Variants in PCDHGA3 observed in about 807,000 individuals in gnomAD.
The protein encoded by PCDHGA3 is protocadherin gamma-A3.
Under a neutral mutation model 58.5 loss-of-function variants are expected in PCDHGA3, and 40 were observed. The ratio of observed to expected loss-of-function variants is 0.68; its 90% CI spans 0.53 to 0.89. The LOEUF (loss-of-function observed/expected upper bound fraction) is 0.89, where lower values mean the gene tolerates loss of function less well. Ranked by LOEUF, PCDHGA3 falls within the 40% of genes least tolerant of loss-of-function variation. The pLI is 0.00. For missense variants in PCDHGA3, 1,223 were observed against 1,195.9 expected (o/e 1.02, Z -0.33); for synonymous variants, 530 against 525.7 (o/e 1.01, Z -0.11).
intron 1 of PCDHGA3, chr5:141,410,392 T>C: frequency 6.2e-7 from 1 of 1,614,050 alleles, no homozygotes; most frequent in African/African-American, 1.3e-5. Flanking sequence ...TCCATCCTGG[T>C]CTCTGTGTCA....
intron 1 of PCDHGA3, among the ~76,000 whole-genome samples, chr5:141,479,138 T>G (rs1469363480): frequency 6.6e-6 from 1 of 152,232 alleles, no homozygotes; most frequent in Non-Finnish European, 1.5e-5. Flanking sequence ...GCACCCTGCT[T>G]ACAAAATATT....
At chr5:141,502,139 C>G (rs923501238) in intron 2 of PCDHGA3, among the ~76,000 whole-genome samples, 1 of 152,104 alleles carries the variant, frequency 6.6e-6, no homozygotes, top group Non-Finnish European at 1.5e-5. Flanking sequence ...TCAGTCGGGC[C>G]GGAAGTAAGG....
Position 141,477,176 on chromosome 5 carries a change from G to A in PCDHGA3, c.2425-17631G>A. ...GAATGACAACGCCCCGGAGATCACA[G>A]TCACCTCCGTGTACAGCCCAGTACC... On this transcript the variant is annotated intron_variant, in intron 1 of 3. Transcript: ENST00000253812. The surrounding 1 kb of genome is among the most constrained non-coding windows in gnomAD (Gnocchi z 4.9). 2 of 1,614,206 alleles carry A rather than the reference G, an allele frequency of 1.2e-6. No individual in the cohort carries two copies. Among genetic ancestry groups the A allele is most frequent in the Admixed American group, 1.7e-5 (1 of 60,024 alleles).
intron 1 of PCDHGA3, among the ~76,000 whole-genome samples, chr5:141,464,301 T>A (rs1237581605): frequency 6.6e-6 from 1 of 150,782 alleles, no homozygotes; most frequent in Non-Finnish European, 1.5e-5. Flanking sequence ...CTCCATTGTA[T>A]GTGCACATAT....
chr5:141,419,115 A>G (rs1159582360), intron 1 of PCDHGA3: 1 of 1,613,872 alleles, frequency 6.2e-7, no homozygotes, highest in Non-Finnish European at 8.5e-7. Flanking sequence ...CCAGAGTACA[A>G]CGTCACCATC....
At chr5:141,388,471 T>C (rs758013989) in intron 1 of PCDHGA3, 1 of 1,613,844 alleles carries the variant, frequency 6.2e-7, no homozygotes, top group South Asian at 1.1e-5. Context: ...GAGATGGTAT[T>C]GAAGACACCT....
At chr5:141,395,207 T>C (rs1589256269) in intron 1 of PCDHGA3, 6 of 1,613,702 alleles carry the variant, frequency 3.7e-6, no homozygotes, top group Non-Finnish European at 5.1e-6. Context: ...TAGATTTTCA[T>C]GAATATAAGA....
intron 1 of PCDHGA3, among the ~76,000 whole-genome samples, chr5:141,363,685 C>T (rs1188372642): frequency 2.6e-5 from 4 of 152,198 alleles, no homozygotes; most frequent in Admixed American, 2.6e-4. Context: ...GCTAATATAA[C>T]TTACATAAAT....
intron 1 of PCDHGA3, chr5:141,357,069 A>C (rs777295000): frequency 6.2e-7 from 1 of 1,613,964 alleles, no homozygotes; most frequent in Non-Finnish European, 8.5e-7. Context: ...GGCTGCACAC[A>C]GGCGAGGTGC....
At chr5:141,401,485 G>A (rs2094160307) in intron 1 of PCDHGA3, among the ~76,000 whole-genome samples, 2 of 152,152 alleles carry the variant, frequency 1.3e-5, no homozygotes, top group Admixed American at 6.5e-5. Context: ...AGGTTTTCTT[G>A]GATGCAAAAT....
chr5:141,359,297 G>A (rs1299334892), intron 1 of PCDHGA3, among the ~76,000 whole-genome samples: 3 of 152,098 alleles, frequency 2.0e-5, no homozygotes, highest in Admixed American at 6.5e-5. Context: ...ACTGTGTCAA[G>A]CATATTCAGG....
At chr5:141,500,182 A>ATTT (rs1199992745) in intron 2 of PCDHGA3, among the ~76,000 whole-genome samples, 1 of 131,622 alleles carries the variant, frequency 7.6e-6, no homozygotes, top group African/African-American at 3.1e-5. Context: ...CTTCATTTTT[A>ATTT]TTTTTATTTA....
intron 1 of PCDHGA3, chr5:141,360,021 C>T: frequency 7.7e-7 from 1 of 1,297,264 alleles, no homozygotes; most frequent in Non-Finnish European, 1.0e-6. Context: ...ACAGAGAAGG[C>T]CAGTATAGAT....
intron 1 of PCDHGA3, chr5:141,361,728 A>G (rs1318637710): frequency 5.0e-6 from 8 of 1,613,246 alleles, no homozygotes; most frequent in Non-Finnish European, 5.9e-6. Context: ...TCGAGCTCAC[A>G]CTGCAGGCCC....
Position 141,477,354 on chromosome 5 carries a change from C to T in PCDHGA3, c.2425-17453C>T, listed in dbSNP as rs1164062950. On this transcript the variant is annotated intron_variant, in intron 1 of 3. Coordinates refer to ENST00000253812, the MANE Select transcript of PCDHGA3 (RefSeq NM_018916.4). This position sits in a 1 kb window ranked among gnomAD's most constrained non-coding sequence, Gnocchi z 4.9. ...AATTACTTCACTTTGAAAACCAGTG[C>T]AGACCTGGATCGGGAGACTGTGCCA... 14 of 1,614,202 alleles carry T rather than the reference C, an allele frequency of 8.7e-6. No homozygotes were observed. The highest frequency in any genetic ancestry group is 1.1e-5 in the Non-Finnish European group (13 of 1,180,036).
intron 1 of PCDHGA3, chr5:141,428,105 G>A: frequency 1.9e-6 from 3 of 1,608,184 alleles, no homozygotes; most frequent in Admixed American, 1.7e-5. Flanking sequence ...ACCACGTGCT[G>A]CAGGCCATCG....
chr5:141,362,218 G>T, intron 1 of PCDHGA3: 1 of 1,614,032 alleles, frequency 6.2e-7, no homozygotes, highest in South Asian at 1.1e-5. Context: ...CCTGGTTGTG[G>T]CCTTGGCCTT....
At position 141,480,524 on chromosome 5, in the gene PCDHGA3, AAAG is replaced by A. The variant is rs1342230573; in HGVS notation, c.2425-14282_2425-14280del. Among the ~76,000 whole-genome samples, 4 of 127,792 alleles carry A rather than the reference AAAG, an allele frequency of 3.1e-5. No homozygotes were observed. The East Asian group carries it at 7.7e-4, about 25-fold the overall frequency. 83.8% of individuals were successfully genotyped at this position (127,792 alleles called of 152,430 possible). On this transcript the variant is annotated intron_variant, in intron 1 of 3. Transcript: ENST00000253812. Reference sequence around the variant, plus strand: ...ACATATGAGAACAACCAAAAATGACAAAGTAGAAGCACATATGAAAAGGCTAAG... The same window carrying A: ...ACATATGAGAACAACCAAAAATGACATAGAAGCACATATGAAAAGGCTAAG...
chr5:141,384,576 G>A (rs757254740), intron 1 of PCDHGA3: 18 of 1,614,060 alleles, frequency 1.1e-5, no homozygotes, highest in South Asian at 7.7e-5. Context: ...ATGACAACCC[G>A]CCCGAGATCC....
Sources: allele counts gnomAD v4.1 joint callset (sites outside exome capture counted in the v4.1 genomes callset), GRCh38; gene constraint gnomAD v4.1.1; non-coding constraint Gnocchi (gnomAD v3.1); transcripts MANE v1.5; gene names NCBI Gene and HGNC (gene_info 2026-07-23, HGNC 2026-07-21).